PDK1: variants seen among roughly 807,000 people sequenced by gnomAD.
PDK1 encodes the protein [Pyruvate dehydrogenase (acetyl-transferring)] kinase isozyme 1, mitochondrial.
In PDK1, 39 loss-of-function variants were observed where a neutral mutation model predicts 54.2. The observed-to-expected ratio is 0.72, with a 90% CI of 0.56 to 0.94. The LOEUF (loss-of-function observed/expected upper bound fraction) is 0.94, where lower values mean the gene tolerates loss of function less well. Ranked by LOEUF, PDK1 falls within the 40% of genes least tolerant of loss-of-function variation. The probability of loss-of-function intolerance (pLI) is 0.00; values close to 1 mark genes in which losing one functional copy is unlikely to be tolerated. For missense variants in PDK1, 552 were observed against 566.0 expected (o/e 0.98, Z 0.25); for synonymous variants, 221 against 207.1 (o/e 1.07, Z -0.58).
At chr2:172,645,991 T>A in the PDK1 span, among the ~76,000 whole-genome samples, 1 of 152,258 alleles carries the variant, frequency 6.6e-6, no homozygotes, top group Non-Finnish European at 1.5e-5. Context: ...TACTCATTTC[T>A]ATATTTTCTT....
chr2:172,589,204 C>T (rs559836855), intron 9 of PDK1, among the ~76,000 whole-genome samples: 54 of 152,330 alleles, frequency 3.5e-4, no homozygotes, highest in East Asian at 2.3e-3. Context: ...CAGTTTTCTT[C>T]GGGCCACTTC....
chr2:172,634,144 C>T, the PDK1 span, among the ~76,000 whole-genome samples: 20 of 151,516 alleles, frequency 1.3e-4, no homozygotes, highest in African/African-American at 4.6e-4. Context: ...TCCCAAAGTG[C>T]TGGGATTACA....
the PDK1 span, among the ~76,000 whole-genome samples, chr2:172,646,505 C>G: frequency 2.0e-5 from 3 of 149,900 alleles, no homozygotes; most frequent in African/African-American, 7.3e-5. Context: ...ACATCGAAGG[C>G]AAAAAAAAAG....
At chr2:172,673,001 A>G in the PDK1 span, among the ~76,000 whole-genome samples, 27,007 of 152,184 alleles carry the variant, frequency 0.18, 2,773 homozygotes, top group African/African-American at 0.28. Flanking sequence ...GAGGGGCATG[A>G]GGCAGAAGGA....
intron 10 of PDK1, 148 bp from the exon 11 acceptor site, chr2:172,595,680 TA>T: frequency 1.7e-6 from 1 of 588,034 alleles, no homozygotes; most frequent in Non-Finnish European, 3.0e-6. Flanking sequence ...ACATACCATT[TA>T]AAAGTATATT....
At chr2:172,693,946 G>A in the PDK1 span, among the ~76,000 whole-genome samples, 1 of 152,150 alleles carries the variant, frequency 6.6e-6, no homozygotes, top group African/African-American at 2.4e-5. Context: ...AGCCTACTGT[G>A]CTCTCCCCAG....
At chr2:172,629,761 A>G in the PDK1 span, among the ~76,000 whole-genome samples, 1 of 152,022 alleles carries the variant, frequency 6.6e-6, no homozygotes, top group African/African-American at 2.4e-5. Context: ...AGTCACAGGC[A>G]ACCCCTAGGT....
the PDK1 span, among the ~76,000 whole-genome samples, chr2:172,692,822 A>G: frequency 1.3e-5 from 2 of 152,198 alleles, no homozygotes; most frequent in South Asian, 4.1e-4. Flanking sequence ...AGGGCCACCT[A>G]TGGTTGCACA....
the PDK1 span, among the ~76,000 whole-genome samples, chr2:172,695,005 C>A: frequency 4.6e-5 from 7 of 152,062 alleles, no homozygotes; most frequent in Non-Finnish European, 8.8e-5. Context: ...GTAGTCCCAG[C>A]TACTTGGGAG....
chr2:172,659,071 C>T, the PDK1 span, among the ~76,000 whole-genome samples: 1 of 152,154 alleles, frequency 6.6e-6, no homozygotes, highest in African/African-American at 2.4e-5. Context: ...ACCTCCTCCC[C>T]TTTTGAAGTC....
At chr2:172,713,702 G>C in the PDK1 span, among the ~76,000 whole-genome samples, 1 of 152,252 alleles carries the variant, frequency 6.6e-6, no homozygotes, top group Admixed American at 6.5e-5. Flanking sequence ...CGGACAGGGG[G>C]ACTTCCTGGG....
chr2:172,714,817 A>G, the PDK1 span, among the ~76,000 whole-genome samples: 1 of 152,182 alleles, frequency 6.6e-6, no homozygotes, highest in East Asian at 1.9e-4. Context: ...TAGAAGTTGT[A>G]TTAATGACTA....
chr2:172,720,155 C>T, the PDK1 span, among the ~76,000 whole-genome samples: 1 of 145,994 alleles, frequency 6.8e-6, no homozygotes, highest in East Asian at 2.0e-4. Context: ...TGCTTTGTCC[C>T]CCAGGCTGGT....
chr2:172,709,445 C>G, the PDK1 span, among the ~76,000 whole-genome samples: 2 of 152,082 alleles, frequency 1.3e-5, no homozygotes, highest in Admixed American at 1.3e-4. Context: ...GAAGTTAGTT[C>G]TGTTAGGGAA....
rs1038534216 is a variant in PDK1 at position 172,604,450 on chromosome 2, A to G, written c.*8481A>G. 9 of 152,258 alleles carry G rather than the reference A, an allele frequency of 5.9e-5. No individual in the cohort carries two copies. Among genetic ancestry groups the G allele is most frequent in the African/African-American group, 2.2e-4 (9 of 41,560 alleles). The allele number at this position is 152,258 out of a possible 1,614,324, so 9.4% of individuals were successfully genotyped here. A position where few individuals can be genotyped will look rare whatever the true frequency, so the allele number is the denominator to read the frequency against. ...TTACAGATTCCGCGCATATTTTGTT[A>G]GACTTAAATCTAAGTATTTGCTTTT... is the stretch of plus-strand genomic sequence containing the variant. On this transcript the variant is annotated 3_prime_UTR_variant, in exon 11 of 11. Transcript: ENST00000282077.
At chr2:172,690,153 A>G in the PDK1 span, among the ~76,000 whole-genome samples, 1 of 150,512 alleles carries the variant, frequency 6.6e-6, no homozygotes, top group African/African-American at 2.4e-5. Flanking sequence ...CAAATTTACA[A>G]GAAAAAAACA....
chr2:172,720,984 G>T, the PDK1 span, among the ~76,000 whole-genome samples: 2 of 152,196 alleles, frequency 1.3e-5, no homozygotes, highest in African/African-American at 4.8e-5. Context: ...AGACGATCTT[G>T]TAAGTGTGAA....
At chr2:172,712,976 AG>A in the PDK1 span, among the ~76,000 whole-genome samples, 3 of 152,186 alleles carry the variant, frequency 2.0e-5, no homozygotes, top group Non-Finnish European at 4.4e-5. Flanking sequence ...TTCTGCAGGC[AG>A]GCTGTCCGAA....
At position 172,593,035 on chromosome 2, in the gene PDK1, T is replaced by G; in HGVS notation, c.1157T>G (p.Val386Gly). 6.5e-7 allele frequency: 1 copy of G among 1,530,398 alleles called. No individual in the cohort carries two copies. Among genetic ancestry groups the G allele is most frequent in the South Asian group, 1.1e-5 (1 of 89,366 alleles). 94.8% of individuals were successfully genotyped at this position (1,530,398 alleles called of 1,614,324 possible). ...CTAGAGGGTTACGGGACAGATGCAG[T>G]TATCTACATTAAGGTAATAGCTGTA... is the stretch of plus-strand genomic sequence containing the variant. The part of the protein sequence containing the change: ...YSLEGYGTDA[V>G]IYIKALSTDS... Residue 386 changes from valine (V) to glycine (G), a missense_variant, in exon 10 of 11, where the codon GTT becomes GGT. Val to Gly is a moderately radical substitution (Grantham distance 109, BLOSUM62 -3). Transcript: ENST00000282077.
Sources: gnomAD v4.1 joint callset for allele counts (sites outside exome capture counted in the v4.1 genomes callset) on GRCh38, gnomAD v4.1.1 for gene constraint, MANE v1.5 for transcripts, NCBI Gene and HGNC (gene_info 2026-07-23, HGNC 2026-07-21) for gene names.